Variants in CAST observed in about 807,000 individuals in gnomAD.
CAST encodes MIR583 host.
CAST carries 76 observed loss-of-function variants against 119.6 expected under a neutral mutation model. The ratio of observed to expected loss-of-function variants is 0.64; its 90% CI spans 0.53 to 0.77. The LOEUF (loss-of-function observed/expected upper bound fraction) is 0.77. Among genes scored for constraint, CAST ranks in the 30% least tolerant of loss-of-function variants. CAST has a pLI of 0.00. For synonymous variants in CAST, 319 were observed against 331.6 expected (o/e 0.96, Z 0.41); for missense variants, 953 against 946.5 (o/e 1.01, Z -0.09).
chr5:96,629,101 T>C (rs140787517), intron 1 of CAST, among the ~76,000 whole-genome samples: 53 of 152,142 alleles, frequency 3.5e-4, no homozygotes, highest in African/African-American at 1.3e-3. Context: ...CAACAGTGTT[T>C]GGAGGTGGAG....
Position 96,680,354 on chromosome 5 carries a change from CAAAA to C in CAST, c.138+4775_138+4778del, listed in dbSNP as rs71617135. Among the ~76,000 whole-genome samples, 273 of 29,252 alleles carry C rather than the reference CAAAA, an allele frequency of 9.3e-3. 2 individuals carry two copies. Among genetic ancestry groups the C allele is most frequent in the African/African-American group, 0.038 (254 of 6,620 alleles). 19.2% of individuals were successfully genotyped at this position (29,252 alleles called of 152,430 possible). The stretch of plus-strand genomic sequence containing the variant: ...TGGGCAACAGAACGAGACTCTGTCT[CAAAA>C]AAAAAAAAAAAAAAAAAAAAAGAAG... On this transcript the variant is annotated intron_variant, in intron 2 of 31. Transcript: ENST00000675179.
intron 12 of CAST, 64 bp from the exon 13 acceptor site, chr5:96,740,681 C>A: frequency 8.6e-7 from 1 of 1,161,264 alleles, no homozygotes; most frequent in Non-Finnish European, 1.3e-6. Context: ...ACGGGCAATA[C>A]ATTTTGCCGA....
chr5:96,757,322 G>C, intron 22 of CAST, 122 bp from the exon 23 acceptor site: 4 of 885,742 alleles, frequency 4.5e-6, no homozygotes, highest in Admixed American at 1.9e-5. Flanking sequence ...TGACATGATG[G>C]ATCTAATTTA....
the CAST span, among the ~76,000 whole-genome samples, chr5:96,048,278 C>T: frequency 1.3e-5 from 2 of 151,964 alleles, no homozygotes; most frequent in African/African-American, 4.8e-5. Flanking sequence ...GAGAAAAGGC[C>T]AGAGTAAATT....
the CAST span, among the ~76,000 whole-genome samples, chr5:96,150,882 A>T: frequency 6.6e-6 from 1 of 151,706 alleles, no homozygotes; most frequent in East Asian, 1.9e-4. Context: ...AGAGGTAAAA[A>T]CCCCAGATTA....
At chr5:96,303,231 C>G in the CAST span, among the ~76,000 whole-genome samples, 2 of 152,120 alleles carry the variant, frequency 1.3e-5, no homozygotes, top group Non-Finnish European at 2.9e-5. Context: ...CACTCACTAT[C>G]GTAAGAACAA....
the CAST span, among the ~76,000 whole-genome samples, chr5:96,397,973 TAAAG>T: frequency 2.0e-5 from 3 of 152,038 alleles, no homozygotes; most frequent in Admixed American, 2.0e-4. Context: ...ATTAATTTCT[TAAAG>T]ATATATTAAT....
chr5:96,377,122 CAA>C, the CAST span, among the ~76,000 whole-genome samples: 2 of 151,806 alleles, frequency 1.3e-5, no homozygotes, highest in Admixed American at 6.6e-5. Flanking sequence ...CAACTTATTA[CAA>C]AAGAGCCAAA....
chr5:96,553,310 C>A (rs1318369058), intron 1 of CAST, among the ~76,000 whole-genome samples: 1 of 152,132 alleles, frequency 6.6e-6, no homozygotes, highest in Non-Finnish European at 1.5e-5. Context: ...ATGACAAAAA[C>A]CACATGATTA....
At chr5:96,461,108 T>C in the CAST span, among the ~76,000 whole-genome samples, 2 of 152,188 alleles carry the variant, frequency 1.3e-5, no homozygotes, top group South Asian at 2.1e-4. Flanking sequence ...AATGGAATCA[T>C]ACAATATATG....
At chr5:96,461,424 A>C in the CAST span, among the ~76,000 whole-genome samples, 1 of 152,078 alleles carries the variant, frequency 6.6e-6, no homozygotes. Context: ...CTTTTTGAGG[A>C]ATTTTCTAGA....
intron 1 of CAST, among the ~76,000 whole-genome samples, chr5:96,629,894 A>G (rs2150201569): frequency 6.6e-6 from 1 of 152,304 alleles, no homozygotes; most frequent in Non-Finnish European, 1.5e-5. Flanking sequence ...AAGTACTATG[A>G]ATTTGCAAAC....
the CAST span, among the ~76,000 whole-genome samples, chr5:96,104,782 G>T: frequency 1.1e-4 from 13 of 120,218 alleles, no homozygotes; most frequent in East Asian, 2.2e-3. Context: ...AAAGTCATTG[G>T]TAGCTTGATG....
intron 1 of CAST, among the ~76,000 whole-genome samples, chr5:96,587,887 T>C (rs1746886685): frequency 6.6e-6 from 1 of 152,194 alleles, no homozygotes; most frequent in Non-Finnish European, 1.5e-5. Context: ...CTATTTTTAT[T>C]AACTGTGGTC....
the CAST span, among the ~76,000 whole-genome samples, chr5:96,399,511 A>G: frequency 2.0e-5 from 3 of 152,202 alleles, no homozygotes; most frequent in African/African-American, 7.2e-5. Context: ...TCCCTCATGG[A>G]AGAAAAGCCA....
At chr5:96,680,174 C>T in intron 2 of CAST, among the ~76,000 whole-genome samples, 1 of 150,382 alleles carries the variant, frequency 6.6e-6, no homozygotes, top group East Asian at 2.0e-4. Context: ...TATGGTGAAA[C>T]CCCAACTCTA....
At chr5:96,017,490 A>G in the CAST span, among the ~76,000 whole-genome samples, 29 of 152,364 alleles carry the variant, frequency 1.9e-4, no homozygotes, top group African/African-American at 6.7e-4. Flanking sequence ...ATAACTTAAC[A>G]GGCCCATTTT....
At chr5:95,983,399 C>G in the CAST span, among the ~76,000 whole-genome samples, 4 of 152,186 alleles carry the variant, frequency 2.6e-5, no homozygotes, top group African/African-American at 9.7e-5. Flanking sequence ...CTCTGTTAGG[C>G]ATAGTCTATA....
the CAST span, among the ~76,000 whole-genome samples, chr5:96,519,832 C>A: frequency 3.3e-5 from 5 of 152,276 alleles, no homozygotes; most frequent in South Asian, 6.2e-4. Context: ...GTCTCAAACT[C>A]CCAACCTCAG....
Sources: allele counts gnomAD v4.1 joint callset (sites outside exome capture counted in the v4.1 genomes callset), GRCh38; gene constraint gnomAD v4.1.1; transcripts MANE v1.5; gene names NCBI Gene and HGNC (gene_info 2026-07-23, HGNC 2026-07-21).